The following SLC7A2 variants were observed in gnomAD, a reference collection of about 807,000 sequenced individuals.
The protein encoded by SLC7A2 is solute carrier family 7 member 2, also known as cationic amino acid transporter 2.
A neutral mutation model predicts 58.9 loss-of-function variants in SLC7A2; 48 were observed. That is an observed-to-expected ratio of 0.82 (90% confidence interval 0.65 to 1.04). The LOEUF is 1.04. SLC7A2 is among the 50% of genes least tolerant of loss of function. The pLI is 0.00. For missense variants in SLC7A2, 1,029 were observed against 818.8 expected, an observed-to-expected ratio of 1.26 and a Z score of -3.13; for synonymous variants, 363 against 314.5, an observed-to-expected ratio of 1.15 and a Z score of -1.63.
chr8:17,545,226 A>G (rs1802106418), intron 4 of SLC7A2, among the ~76,000 whole-genome samples: 1 of 151,994 alleles, frequency 6.6e-6, no homozygotes, highest in Admixed American at 6.6e-5. Flanking sequence ...TAGAACATAG[A>G]ACAATTTATT....
chr8:17,532,025 C>T (rs888717894), intron 2 of SLC7A2, among the ~76,000 whole-genome samples: 1 of 151,660 alleles, frequency 6.6e-6, no homozygotes, highest in Admixed American at 6.6e-5. Context: ...GTCAGGAGTT[C>T]GAGACCAGCC....
At chr8:17,511,146 T>C (rs1800587656) in intron 2 of SLC7A2, 1 of 152,128 alleles carries the variant, frequency 6.6e-6, no homozygotes, top group Admixed American at 6.6e-5. Flanking sequence ...AAATAGCTAA[T>C]GCATGCGGAG....
At chr8:17,499,894 C>G (rs1198521410) in intron 1 of SLC7A2, 1 of 152,130 alleles carries the variant, frequency 6.6e-6, no homozygotes, top group Non-Finnish European at 1.5e-5. Context: ...AATAACTTTT[C>G]ATTTTAGTAC....
chr8:17,539,330 A>G (rs759911787), intron 2 of SLC7A2, among the ~76,000 whole-genome samples: 3 of 152,154 alleles, frequency 2.0e-5, no homozygotes, highest in Admixed American at 6.5e-5. Flanking sequence ...TTGGGGCACA[A>G]TGGGCGTGGG....
intron 11 of SLC7A2, among the ~76,000 whole-genome samples, chr8:17,563,166 G>A (rs1803101131): frequency 6.6e-6 from 1 of 151,940 alleles, no homozygotes; most frequent in South Asian, 2.1e-4. Context: ...AAACTAAATT[G>A]AACATTAAAA....
intron 2 of SLC7A2, among the ~76,000 whole-genome samples, chr8:17,528,005 G>A (rs905431278): frequency 4.6e-5 from 7 of 152,142 alleles, no homozygotes; most frequent in Admixed American, 1.3e-4. Flanking sequence ...AGTGTCAGGG[G>A]TGATTGGGAG....
At chr8:17,545,668 G>C (rs1802137806) in intron 4 of SLC7A2, among the ~76,000 whole-genome samples, 1 of 152,026 alleles carries the variant, frequency 6.6e-6, no homozygotes, top group Non-Finnish European at 1.5e-5. Context: ...AAAGTGCTGG[G>C]ATTACAGGCG....
intron 5 of SLC7A2, 137 bp downstream of exon 5, chr8:17,548,980 G>T: frequency 1.3e-6 from 1 of 751,800 alleles, no homozygotes; most frequent in Admixed American, 2.8e-5. Context: ...AGATTTAATG[G>T]ACTCACAGTT....
rs145254795 is a variant in SLC7A2, at chr8:17,563,629, G to A, written c.1698G>A (p.Ala566=). 99 of 1,612,422 alleles carry A rather than the reference G, an allele frequency of 6.1e-5. 1 individual carries two copies. The highest frequency in any genetic ancestry group is 7.7e-5 in the Non-Finnish European group (91 of 1,178,994). The change falls in exon 12 of 13, where the codon GCG becomes GCA. Residue 566 remains alanine, a synonymous_variant. Coordinates refer to ENST00000494857, the MANE Select transcript of SLC7A2 (RefSeq NM_001370338.1). ...FMVPFLPFLP[A]FSILVNIYLM... ...TTCCATTCTTACCATTTTTGCCAGC[G>A]TTCAGCATCTTGGTGAACATTTACT...
chr8:17,516,368 G>C (rs1800804796), intron 2 of SLC7A2, among the ~76,000 whole-genome samples: 1 of 152,080 alleles, frequency 6.6e-6, no homozygotes, highest in Admixed American at 6.5e-5. Flanking sequence ...TGGGATTACA[G>C]GTGCACCACC....
chr8:17,543,191 CACACACACACACACACACACACACAA>C (rs1801990635), intron 2 of SLC7A2, 101 bp from the exon 3 acceptor site: 4 of 126,492 alleles, frequency 3.2e-5, no homozygotes, highest in Admixed American at 1.1e-4. Context: ...ACAAGTGAAA[CACACACACACACACACACACACACAA>C]ACACACACAC....
chr8:17,544,692 G>GGCCCCAAA, intron 4 of SLC7A2, 86 bp downstream of exon 4: 2 of 1,180,050 alleles, frequency 1.7e-6, no homozygotes, highest in Non-Finnish European at 2.4e-6. Flanking sequence ...TGGGGCCTGA[G>GGCCCCAAA]TTCCCAAGAT....
intron 3 of SLC7A2, among the ~76,000 whole-genome samples, 145 bp from the exon 4 acceptor site, chr8:17,544,295 GATGACTACTGT>G (rs1232589878): frequency 6.6e-6 from 1 of 152,172 alleles, no homozygotes; most frequent in Non-Finnish European, 1.5e-5. Flanking sequence ...TTGAACATTT[GATGACTACTGT>G]ATGATTATAA....
intron 4 of SLC7A2, among the ~76,000 whole-genome samples, chr8:17,548,328 G>A (rs567759601): frequency 6.6e-5 from 10 of 152,296 alleles, no homozygotes; most frequent in African/African-American, 1.9e-4. Context: ...GAAACAGAGC[G>A]AGACTCTGTC....
chr8:17,508,156 TG>T (rs1800450725), intron 2 of SLC7A2, among the ~76,000 whole-genome samples: 1 of 152,134 alleles, frequency 6.6e-6, no homozygotes, highest in Non-Finnish European at 1.5e-5. Flanking sequence ...ACAGATGGTT[TG>T]CACTTAGTTC....
At chr8:17,549,245 A>G (rs1802330194) in intron 5 of SLC7A2, among the ~76,000 whole-genome samples, 3 of 152,362 alleles carry the variant, frequency 2.0e-5, no homozygotes, top group Admixed American at 1.3e-4. Context: ...GGGTGGGGAC[A>G]CAGCCAAACC....
In SLC7A2 at chr8:17,563,652, ACTTGATGGT is replaced by A. The variant is rs745529808; in HGVS notation, c.1723_1731del (p.Leu575_Val577del). The A allele has an allele frequency of 2.1e-5, 34 of 1,613,632 alleles. No individual in the cohort carries two copies. Among genetic ancestry groups the A allele is most frequent in the Non-Finnish European group, 2.8e-5 (33 of 1,179,762 alleles). On this transcript the variant is annotated inframe_deletion, in exon 12 of 13. Coordinates refer to ENST00000494857, the MANE Select transcript of SLC7A2 (RefSeq NM_001370338.1). The stretch of plus-strand genomic sequence containing the variant: ...GCGTTCAGCATCTTGGTGAACATTT[ACTTGATGGT>A]CCAGTTAAGTGCAGACACTTGGGTC...
chr8:17,537,166 C>G (rs529676076), intron 2 of SLC7A2, among the ~76,000 whole-genome samples: 1 of 152,320 alleles, frequency 6.6e-6, no homozygotes, highest in South Asian at 2.1e-4. Flanking sequence ...AAGCAATTCT[C>G]CTGCCTTAGC....
At position 17,519,556 on chromosome 8, in the gene SLC7A2, C is replaced by T. The variant is rs187675844; in HGVS notation, c.-23+17254C>T. Among the ~76,000 whole-genome samples, 376 of 152,274 alleles carry T rather than the reference C, an allele frequency of 2.5e-3. 1 individual carries two copies. Among genetic ancestry groups the T allele is most frequent in the African/African-American group, 8.6e-3 (356 of 41,548 alleles). ...CTTTGGCCCTGTCCCTCCGGGTCAG[C>T]CTTCACTGAGGCTGTGGAGTATTGG... On this transcript the variant is annotated intron_variant, in intron 2 of 12. Coordinates refer to ENST00000494857, the MANE Select transcript of SLC7A2 (RefSeq NM_001370338.1).
Sources: allele counts gnomAD v4.1 joint callset (sites outside exome capture counted in the v4.1 genomes callset), GRCh38; gene constraint gnomAD v4.1.1; transcripts MANE v1.5; gene names NCBI Gene and HGNC (gene_info 2026-07-23, HGNC 2026-07-21).